SNX29: variants seen among roughly 807,000 people sequenced by gnomAD.
The protein encoded by SNX29 is sorting nexin 29, also known as sorting nexin-29.
SNX29 carries 78 observed loss-of-function variants against 102.1 expected under a neutral mutation model. The ratio of observed to expected loss-of-function variants is 0.76; its 90% CI spans 0.64 to 0.92. The LOEUF is 0.92. Among genes scored for constraint, SNX29 ranks in the 40% least tolerant of loss-of-function variants. The pLI is 0.00. For synonymous variants in SNX29, 580 were observed against 414.5 expected (o/e 1.40, Z -4.85); for missense variants, 1,280 against 1,061.7 (o/e 1.21, Z -2.86).
In SNX29 at chr16:12,037,423, G is replaced by C. The variant is rs547354351; in HGVS notation, c.248-5474G>C. 9.2e-5 allele frequency among the ~76,000 whole-genome samples: 14 copies of C among 152,192 alleles called. 1 individual carries two copies. In the East Asian group the frequency reaches 2.3e-3, roughly 25 times the overall value. ...GCTGAGACTGGGGTGAGGTTAGTGA[G>C]ACACTCACTTTGGCCACAAAATTGA... On this transcript the variant is annotated intron_variant, in intron 4 of 20. Coordinates refer to ENST00000566228, the MANE Select transcript of SNX29 (RefSeq NM_032167.5).
intron 13 of SNX29, among the ~76,000 whole-genome samples, chr16:12,194,039 T>G (rs1382209654): frequency 3.9e-5 from 6 of 152,218 alleles, no homozygotes. Context: ...CCTGCTGGGA[T>G]TTTGATTGGG....
Position 12,524,831 on chromosome 16 carries a change from C to G in SNX29, c.2308C>G (p.Pro770Ala). ...GAAGGAGACCCTCATCCAGCTGATG[C>G]CCTTCTTCGTGTAAGTACTGCTCCC... ...PKKETLIQLM[P>A]FFVDITPPGE... The change falls in exon 20 of 21, where the codon CCC (proline) becomes GCC (alanine). Residue 770 changes from proline to alanine, a missense_variant. By Grantham distance (27) the Pro-to-Ala change is conservative (BLOSUM62 -1). Transcript: ENST00000566228. The G allele has an allele frequency of 6.2e-7, 1 of 1,613,506 alleles. No homozygotes were observed.
At chr16:12,538,892 G>A (rs923150842) in intron 20 of SNX29, among the ~76,000 whole-genome samples, 1 of 144,722 alleles carries the variant, frequency 6.9e-6, no homozygotes, top group Non-Finnish European at 1.5e-5. Flanking sequence ...CACTTGCACA[G>A]ATTAATGACC....
chr16:12,191,657 G>C (rs565864294), intron 13 of SNX29, among the ~76,000 whole-genome samples: 1 of 152,334 alleles, frequency 6.6e-6, no homozygotes, highest in African/African-American at 2.4e-5. Flanking sequence ...AAGGTGGCGG[G>C]GTTGGAGTTA....
intron 19 of SNX29, among the ~76,000 whole-genome samples, chr16:12,524,115 G>T (rs1169218760): frequency 2.0e-5 from 3 of 152,118 alleles, no homozygotes; most frequent in Admixed American, 2.0e-4. Flanking sequence ...CAAACTCCCA[G>T]CCTCAGGTGA....
At chr16:12,483,431 C>A (rs527892709) in intron 19 of SNX29, among the ~76,000 whole-genome samples, 3 of 151,722 alleles carry the variant, frequency 2.0e-5, no homozygotes, top group African/African-American at 7.3e-5. Flanking sequence ...GATTCTGCTG[C>A]CTCAGCCTCC....
intron 14 of SNX29, among the ~76,000 whole-genome samples, chr16:12,246,503 T>C (rs571138533): frequency 3.3e-5 from 5 of 152,196 alleles, no homozygotes; most frequent in African/African-American, 9.6e-5. Flanking sequence ...TAGCTGGGTG[T>C]AGTGGCACAC....
chr16:12,190,617 C>G (rs1019471909), intron 13 of SNX29, among the ~76,000 whole-genome samples: 1 of 152,136 alleles, frequency 6.6e-6, no homozygotes, highest in Non-Finnish European at 1.5e-5. Context: ...ATCAGATCAA[C>G]CTTAGCAAAG....
chr16:12,133,408 A>T (rs1280308329), intron 13 of SNX29, among the ~76,000 whole-genome samples: 1 of 147,420 alleles, frequency 6.8e-6, no homozygotes, highest in Non-Finnish European at 1.5e-5. Context: ...CTCCCACTTC[A>T]GCCTCTGAGT....
At chr16:12,362,551 A>ACCACCCCCC (rs1464136306) in intron 16 of SNX29, among the ~76,000 whole-genome samples, 1 of 23,528 alleles carries the variant, frequency 4.3e-5, no homozygotes, top group African/African-American at 1.4e-4. Flanking sequence ...TGGCTGCTGC[A>ACCACCCCCC]CTCCCCCCCC....
At chr16:12,117,282 ACGCGGACGAACCGTGGAAACAGG>A (rs1344556850) in intron 11 of SNX29, among the ~76,000 whole-genome samples, 1 of 145,702 alleles carries the variant, frequency 6.9e-6, no homozygotes, top group African/African-American at 2.6e-5. Flanking sequence ...ACGTGCTTCA[ACGCGGACGAACCGTGGAAACAGG>A]CGTGGTCAAT....
At chr16:12,405,482 C>A (rs1344636518) in intron 18 of SNX29, among the ~76,000 whole-genome samples, 1 of 152,212 alleles carries the variant, frequency 6.6e-6, no homozygotes, top group South Asian at 2.1e-4. Context: ...CTGGGAGCAA[C>A]TTCACTCCAC....
At chr16:12,537,891 A>C (rs553600372) in intron 20 of SNX29, among the ~76,000 whole-genome samples, 96 of 151,918 alleles carry the variant, frequency 6.3e-4, no homozygotes, top group Non-Finnish European at 1.2e-3. Flanking sequence ...ACGCTAAGGC[A>C]GGAGAGTCAC....
chr16:12,129,551 C>T, intron 12 of SNX29, 79 bp from the exon 13 acceptor site: 1 of 1,496,336 alleles, frequency 6.7e-7, no homozygotes, highest in Non-Finnish European at 8.9e-7. Flanking sequence ...TAGGACTTGA[C>T]TTATGTTAGG....
chr16:12,291,946 G>A (rs1010473233), intron 15 of SNX29, among the ~76,000 whole-genome samples: 29 of 152,180 alleles, frequency 1.9e-4, no homozygotes, highest in Admixed American at 2.0e-4. Context: ...CCTTGCCTTC[G>A]GGTGCTCACA....
intron 13 of SNX29, among the ~76,000 whole-genome samples, chr16:12,147,824 A>G (rs1479941457): frequency 6.6e-6 from 1 of 152,256 alleles, no homozygotes; most frequent in Non-Finnish European, 1.5e-5. Flanking sequence ...AAATATAGCC[A>G]GGATGTGAAT....
chr16:12,505,763 C>CAAA (rs61113263), intron 19 of SNX29, among the ~76,000 whole-genome samples: 12,099 of 75,668 alleles, frequency 0.16, 1,403 homozygotes, highest in East Asian at 0.24. Flanking sequence ...GTCAATTCTG[C>CAAA]AAAAAAAAAA....
At chr16:12,193,831 T>A (rs2076704850) in intron 13 of SNX29, among the ~76,000 whole-genome samples, 1 of 152,214 alleles carries the variant, frequency 6.6e-6, no homozygotes, top group African/African-American at 2.4e-5. Flanking sequence ...GATTCTTTGG[T>A]CTGTCTTGTT....
intron 13 of SNX29, among the ~76,000 whole-genome samples, chr16:12,160,017 C>T (rs976671994): frequency 2.6e-5 from 4 of 152,234 alleles, no homozygotes; most frequent in African/African-American, 7.2e-5. Flanking sequence ...CTAAGTAAGT[C>T]CCTTTCCAAA....
Sources: allele counts gnomAD v4.1 joint callset (sites outside exome capture counted in the v4.1 genomes callset), GRCh38; gene constraint gnomAD v4.1.1; transcripts MANE v1.5; gene names NCBI Gene and HGNC (gene_info 2026-07-23, HGNC 2026-07-21).